ARL13B: variants seen among roughly 807,000 people sequenced by gnomAD.
ARL13B encodes the protein ARF like GTPase 13B.
Under a neutral mutation model 56.1 loss-of-function variants are expected in ARL13B, and 36 were observed. The observed-to-expected ratio is 0.64, with a 90% CI of 0.49 to 0.85. The LOEUF (loss-of-function observed/expected upper bound fraction) is 0.85. Among genes scored for constraint, ARL13B ranks in the 40% least tolerant of loss-of-function variants. The probability of loss-of-function intolerance (pLI) is 0.00; values close to 1 mark genes in which losing one functional copy is unlikely to be tolerated. For synonymous variants in ARL13B, 178 were observed against 171.1 expected (o/e 1.04, Z -0.32); for missense variants, 519 against 507.1 (o/e 1.02, Z -0.23).
chr3:93,981,764 C>T (rs528832958), intron 1 of ARL13B, among the ~76,000 whole-genome samples: 6 of 146,464 alleles, frequency 4.1e-5, no homozygotes, highest in Middle Eastern at 3.5e-3. Flanking sequence ...GTCCAAGCTA[C>T]TTCGGAGGCT....
At chr3:94,010,869 C>T (rs1009482403) in intron 3 of ARL13B, among the ~76,000 whole-genome samples, 2 of 151,874 alleles carry the variant, frequency 1.3e-5, no homozygotes, top group Non-Finnish European at 2.9e-5. Context: ...TTAATATTAT[C>T]AGTTTTCATG....
At chr3:94,035,909 A>G (rs1465906095) in intron 4 of ARL13B, among the ~76,000 whole-genome samples, 1 of 152,004 alleles carries the variant, frequency 6.6e-6, no homozygotes, top group Non-Finnish European at 1.5e-5. Context: ...CTAGCTCTAC[A>G]AAAAATACAA....
intron 3 of ARL13B, among the ~76,000 whole-genome samples, chr3:94,005,819 A>T (rs921345515): frequency 1.3e-5 from 2 of 152,188 alleles, no homozygotes; most frequent in Admixed American, 6.5e-5. Context: ...TTCTTAGTAA[A>T]TTTCAAAGAT....
At chr3:93,994,621 T>C (rs149278830) in intron 1 of ARL13B, among the ~76,000 whole-genome samples, 12 of 152,294 alleles carry the variant, frequency 7.9e-5, no homozygotes, top group Admixed American at 1.3e-4. Flanking sequence ...CTCAAATACC[T>C]AGAACACTGG....
intron 1 of ARL13B, among the ~76,000 whole-genome samples, chr3:93,986,298 T>C (rs1710457704): frequency 6.6e-6 from 1 of 152,236 alleles, no homozygotes; most frequent in Non-Finnish European, 1.5e-5. Context: ...CTTGGCCTTC[T>C]CACTATTTAT....
At chr3:94,038,455 A>C (rs984994691) in intron 5 of ARL13B, among the ~76,000 whole-genome samples, 1 of 149,478 alleles carries the variant, frequency 6.7e-6, no homozygotes, top group Non-Finnish European at 1.5e-5. Context: ...CTTACAGTCC[A>C]GTTAAAGATC....
Position 94,003,815 on chromosome 3 carries a change from T to G in ARL13B, c.287T>G (p.Val96Gly). 1.2e-6 allele frequency: 2 copies of G among 1,613,734 alleles called. No homozygotes were observed. Among genetic ancestry groups the G allele is most frequent in the Non-Finnish European group, 1.7e-6 (2 of 1,179,742 alleles). ...YAESYGVIFV[V>G]DSSDEERMEE... ...GAATCCTATGGGGTAATATTTGTTGTGGATTCCAGTGATGAAGAGAGAATG... is the reference window on the plus strand; with the variant it reads ...GAATCCTATGGGGTAATATTTGTTGGGGATTCCAGTGATGAAGAGAGAATG... Residue 96 changes from valine to glycine, a missense_variant, in exon 3 of 10, where the codon GTG becomes GGG. Coordinates refer to ENST00000394222, the MANE Select transcript of ARL13B (RefSeq NM_001174150.2).
chr3:93,981,802 A>T (rs1710228755), intron 1 of ARL13B, among the ~76,000 whole-genome samples: 1 of 129,036 alleles, frequency 7.7e-6, no homozygotes, highest in South Asian at 2.7e-4. Context: ...TGAGCCTGGG[A>T]GGCGGAGGTT....
At chr3:93,981,929 A>AT (rs1710242274) in intron 1 of ARL13B, among the ~76,000 whole-genome samples, 1 of 147,904 alleles carries the variant, frequency 6.8e-6, no homozygotes, top group African/African-American at 2.5e-5. Flanking sequence ...ATAGATTCTG[A>AT]TTTATTTGCT....
chr3:94,014,466 A>G, intron 3 of ARL13B: 1 of 1,605,294 alleles, frequency 6.2e-7, no homozygotes, highest in Non-Finnish European at 8.5e-7. Flanking sequence ...CAGCTAGTCC[A>G]AATTTCTCTT....
rs368491848 is a variant in ARL13B, at chr3:94,035,442, G to GTT, written c.486+21_486+22dup. ...ACAAGTGCCTGTGTCAGATAGTAAG[G>GTT]TTTTTTTTTTTTTTTTAATTTTAAT... On this transcript the variant is annotated splice_region_variant and intron_variant, in intron 4 of 9. Coordinates refer to ENST00000394222, the MANE Select transcript of ARL13B (RefSeq NM_001174150.2). 7,556 of 1,259,688 alleles carry GTT rather than the reference G, an allele frequency of 6.0e-3. No individual in the cohort carries two copies. Among genetic ancestry groups the GTT allele is most frequent in the Middle Eastern group, 6.7e-3 (30 of 4,484 alleles). The allele number at this position is 1,259,688 out of a possible 1,614,324, so 78.0% of individuals were successfully genotyped here. A position where few individuals can be genotyped will look rare whatever the true frequency, so the allele number is the denominator to read the frequency against.
chr3:94,020,950 A>G (rs2076435291), intron 3 of ARL13B, among the ~76,000 whole-genome samples: 1 of 151,866 alleles, frequency 6.6e-6, no homozygotes, highest in Non-Finnish European at 1.5e-5. Context: ...GCATATTTTT[A>G]TTGTCTATAT....
intron 1 of ARL13B, among the ~76,000 whole-genome samples, chr3:93,983,766 AG>A (rs1432139001): frequency 6.6e-6 from 1 of 151,930 alleles, no homozygotes; most frequent in Non-Finnish European, 1.5e-5. Context: ...CTATTGGGGC[AG>A]GTGTGTTTTC....
chr3:93,985,488 C>T (rs577646131), intron 1 of ARL13B, among the ~76,000 whole-genome samples: 26 of 152,194 alleles, frequency 1.7e-4, no homozygotes, highest in South Asian at 1.7e-3. Flanking sequence ...GAAATTCATG[C>T]AACAAATTTT....
At chr3:94,051,069 T>G (rs934202674) in intron 9 of ARL13B, among the ~76,000 whole-genome samples, 177 bp downstream of exon 9, 12 of 152,142 alleles carry the variant, frequency 7.9e-5, no homozygotes, top group African/African-American at 2.9e-4. Flanking sequence ...TTAAGTATGC[T>G]TTACATCTAT....
At position 94,050,836 on chromosome 3, in the gene ARL13B, C is replaced by G. The variant is rs774627143; in HGVS notation, c.1154C>G (p.Thr385Ser). The change falls in exon 9 of 10, where the codon ACC becomes AGC. Residue 385 changes from threonine to serine, a missense_variant. By Grantham distance (58) the Thr-to-Ser change is moderately conservative (BLOSUM62 1). Coordinates refer to ENST00000394222, the MANE Select transcript of ARL13B (RefSeq NM_001174150.2). ...TCTTTTTCTTTAGTTGGCTGGGGAA[C>G]CCCTAAAGTCACTAGACTTCCAAAA... is the stretch of plus-strand genomic sequence containing the variant. The part of the protein sequence containing the change: ...PPPPPPVGWG[T>S]PKVTRLPKLE... The G allele has an allele frequency of 6.2e-7, 1 of 1,612,456 alleles. No individual in the cohort carries two copies. The highest frequency in any genetic ancestry group is 2.2e-5 in the East Asian group (1 of 44,790).
At chr3:94,043,901 G>A (rs1417144676) in intron 7 of ARL13B, among the ~76,000 whole-genome samples, 3 of 150,948 alleles carry the variant, frequency 2.0e-5, no homozygotes, top group Non-Finnish European at 3.0e-5. Context: ...TGGGTGATCC[G>A]CCCACCTCGG....
At chr3:94,010,035 A>G (rs2076198167) in intron 3 of ARL13B, among the ~76,000 whole-genome samples, 1 of 152,084 alleles carries the variant, frequency 6.6e-6, no homozygotes, top group Admixed American at 6.6e-5. Flanking sequence ...GACCTTCAAA[A>G]TTTTTGAGGG....
At position 94,036,638 on chromosome 3, in the gene ARL13B, A is replaced by G; in HGVS notation, c.573A>G (p.Ala191=). 2 of 1,614,150 alleles carry G rather than the reference A, an allele frequency of 1.2e-6. No homozygotes were observed. Among genetic ancestry groups the G allele is most frequent in the Non-Finnish European group, 1.7e-6 (2 of 1,180,022 alleles). The part of the protein sequence containing the change: ...KGLYWLLHVI[A]RDFDALNERI... ...TTTATTGGCTGCTACATGTTATTGCAAGAGACTTTGATGCCTTAAATGAAC... is the reference window on the plus strand; with the variant it reads ...TTTATTGGCTGCTACATGTTATTGCGAGAGACTTTGATGCCTTAAATGAAC... The change falls in exon 5 of 10, where the codon GCA becomes GCG. Residue 191 remains alanine, a synonymous_variant. Coordinates refer to ENST00000394222, the MANE Select transcript of ARL13B (RefSeq NM_001174150.2).
Sources: gnomAD v4.1 joint callset for allele counts (sites outside exome capture counted in the v4.1 genomes callset) on GRCh38, gnomAD v4.1.1 for gene constraint, MANE v1.5 for transcripts, NCBI Gene and HGNC (gene_info 2026-07-23, HGNC 2026-07-21) for gene names.